The following PIP5K1B variants were observed in gnomAD, a reference collection of about 807,000 sequenced individuals.
PIP5K1B encodes the protein phosphatidylinositol 4-phosphate 5-kinase type-1 beta.
Under a neutral mutation model 67.0 loss-of-function variants are expected in PIP5K1B, and 42 were observed. The observed-to-expected ratio is 0.63, with a 90% confidence interval of 0.49 to 0.81. PIP5K1B has a LOEUF of 0.81. PIP5K1B is among the 30% of genes least tolerant of loss of function. The pLI, the probability that PIP5K1B is intolerant of heterozygous loss-of-function variation, is 0.00. For missense variants in PIP5K1B, 459 were observed against 646.3 expected, an observed-to-expected ratio of 0.71 and a Z score of 3.14; for synonymous variants, 214 against 231.4, an observed-to-expected ratio of 0.92 and a Z score of 0.68.
chr9:68,779,846 G>A (rs58984094), intron 2 of PIP5K1B, among the ~76,000 whole-genome samples: 9,377 of 152,348 alleles, frequency 0.062, 604 homozygotes, highest in African/African-American at 0.16. Flanking sequence ...TTATGAGTAT[G>A]CAATCCAGAA....
chr9:68,995,226 G>A (rs866170814), intron 15 of PIP5K1B, among the ~76,000 whole-genome samples: 63 of 99,632 alleles, frequency 6.3e-4, no homozygotes, highest in African/African-American at 1.9e-3. Context: ...GGAGGGGAGG[G>A]GAGAAAGAAA....
chr9:68,869,194 A>G (rs1158021566), intron 5 of PIP5K1B, among the ~76,000 whole-genome samples: 1 of 152,196 alleles, frequency 6.6e-6, no homozygotes, highest in Non-Finnish European at 1.5e-5. Flanking sequence ...GGAAACCAGC[A>G]GCACAGCAGG....
chr9:68,833,587 CTCA>C (rs1834438709), intron 4 of PIP5K1B, among the ~76,000 whole-genome samples: 1 of 148,952 alleles, frequency 6.7e-6, no homozygotes, highest in African/African-American at 2.5e-5. Context: ...ACAACAAATA[CTCA>C]TCAGCCCCAA....
At chr9:68,795,585 G>T (rs1315618668) in intron 2 of PIP5K1B, among the ~76,000 whole-genome samples, 1 of 152,152 alleles carries the variant, frequency 6.6e-6, no homozygotes, top group Non-Finnish European at 1.5e-5. Context: ...AAAATATGTG[G>T]AATGGTTGCT....
chr9:68,978,870 A>G (rs187207664), intron 14 of PIP5K1B, among the ~76,000 whole-genome samples: 13 of 152,266 alleles, frequency 8.5e-5, no homozygotes, highest in Admixed American at 7.8e-4. Context: ...CGTGACCCGA[A>G]GGGCTTTTCT....
intron 7 of PIP5K1B, among the ~76,000 whole-genome samples, chr9:68,889,747 A>AC (rs1824680238): frequency 1.3e-5 from 2 of 151,988 alleles, no homozygotes; most frequent in African/African-American, 2.4e-5. Flanking sequence ...AAAAAAAAAA[A>AC]AAAAAAAGCT....
At chr9:68,957,285 G>T (rs1828452849) in intron 14 of PIP5K1B, among the ~76,000 whole-genome samples, 1 of 151,960 alleles carries the variant, frequency 6.6e-6, no homozygotes, top group African/African-American at 2.4e-5. Context: ...GGCTTTTTAT[G>T]GGGGAGGTTG....
intron 14 of PIP5K1B, among the ~76,000 whole-genome samples, chr9:68,970,824 A>G (rs1587739211): frequency 6.6e-6 from 1 of 152,192 alleles, no homozygotes; most frequent in South Asian, 2.1e-4. Flanking sequence ...CAGCAGCCAC[A>G]GTGACTCCAA....
chr9:68,828,308 G>A (rs1420649595), intron 4 of PIP5K1B, among the ~76,000 whole-genome samples: 2 of 152,212 alleles, frequency 1.3e-5, no homozygotes, highest in African/African-American at 2.4e-5. Flanking sequence ...GAGGCCACCT[G>A]CCTGTGGCAC....
At chr9:68,803,222 G>A (rs1411564116) in intron 2 of PIP5K1B, among the ~76,000 whole-genome samples, 1 of 152,130 alleles carries the variant, frequency 6.6e-6, no homozygotes, top group African/African-American at 2.4e-5. Flanking sequence ...TGCAATTGAA[G>A]CATTTTAAAT....
intron 2 of PIP5K1B, among the ~76,000 whole-genome samples, chr9:68,795,294 T>G (rs1181660439): frequency 1.3e-5 from 2 of 152,216 alleles, no homozygotes; most frequent in East Asian, 3.8e-4. Context: ...AATCTTTGTG[T>G]GTCTTAGTCT....
intron 2 of PIP5K1B, among the ~76,000 whole-genome samples, chr9:68,800,311 C>T (rs187702372): frequency 2.0e-5 from 3 of 152,318 alleles, no homozygotes; most frequent in East Asian, 1.9e-4. Context: ...CCTTGCCTTT[C>T]GAATGCAATA....
intron 14 of PIP5K1B, among the ~76,000 whole-genome samples, chr9:68,951,583 G>A (rs1356006748): frequency 1.3e-5 from 2 of 152,132 alleles, no homozygotes; most frequent in African/African-American, 4.8e-5. Flanking sequence ...CCTTTTCCCT[G>A]TTCACCCTCC....
chr9:68,828,538 G>T (rs1834108347), intron 4 of PIP5K1B, among the ~76,000 whole-genome samples: 1 of 152,210 alleles, frequency 6.6e-6, no homozygotes, highest in Non-Finnish European at 1.5e-5. Context: ...TATCAGTGGA[G>T]GCAGGCAGCG....
At chr9:68,912,107 A>G (rs1451756561) in intron 8 of PIP5K1B, among the ~76,000 whole-genome samples, 1 of 152,068 alleles carries the variant, frequency 6.6e-6, no homozygotes, top group Non-Finnish European at 1.5e-5. Context: ...TCTTACCTGG[A>G]CTGCTGAAAT....
At position 68,746,885 on chromosome 9, in the gene PIP5K1B, T is replaced by C. The variant is rs138480856; in HGVS notation, c.-86+4228T>C. ...AAGATGCAGCCCCATGAAAGCAGCATGTTTACAGGTAGTAGATCCCCAAAG... is the reference window on the plus strand; with the variant it reads ...AAGATGCAGCCCCATGAAAGCAGCACGTTTACAGGTAGTAGATCCCCAAAG... On this transcript the variant is annotated intron_variant, in intron 2 of 15. Coordinates refer to ENST00000265382, the MANE Select transcript of PIP5K1B (RefSeq NM_003558.4). Among the ~76,000 whole-genome samples the C allele has an allele frequency of 6.6e-5, 10 of 152,232 alleles. No individual in the cohort carries two copies. In the East Asian group the frequency reaches 1.7e-3, roughly 27 times the overall value.
intron 14 of PIP5K1B, among the ~76,000 whole-genome samples, chr9:68,987,549 G>A (rs1339576007): frequency 2.0e-5 from 3 of 152,268 alleles, no homozygotes; most frequent in East Asian, 1.9e-4. Flanking sequence ...GCAACAGAGC[G>A]AGACTCCATC....
intron 2 of PIP5K1B, among the ~76,000 whole-genome samples, chr9:68,757,809 C>T (rs902303207): frequency 5.9e-5 from 9 of 151,882 alleles, no homozygotes; most frequent in African/African-American, 2.2e-4. Flanking sequence ...CAGAAGATTC[C>T]AGTTCCAGAT....
chr9:68,970,738 C>T (rs548882419), intron 14 of PIP5K1B, among the ~76,000 whole-genome samples: 3 of 152,298 alleles, frequency 2.0e-5, no homozygotes, highest in South Asian at 2.1e-4. Context: ...TGGATTTGAG[C>T]ACCCCCTGCG....
Sources: allele counts gnomAD v4.1 joint callset (sites outside exome capture counted in the v4.1 genomes callset), GRCh38; gene constraint gnomAD v4.1.1; transcripts MANE v1.5; gene names NCBI Gene and HGNC (gene_info 2026-07-23, HGNC 2026-07-21).